MAGI1: variants seen among roughly 807,000 people sequenced by gnomAD.
MAGI1 encodes membrane associated guanylate kinase, WW and PDZ domain containing 1.
A neutral mutation model predicts 139.9 loss-of-function variants in MAGI1; 58 were observed. The ratio of observed to expected loss-of-function variants is 0.41; its 90% CI spans 0.34 to 0.52. The LOEUF (loss-of-function observed/expected upper bound fraction) is 0.52. Among genes scored for constraint, MAGI1 ranks in the 20% least tolerant of loss-of-function variants. MAGI1 has a pLI of 0.12. For missense variants in MAGI1, 1,874 were observed against 1,901.6 expected (o/e 0.99, Z 0.27); for synonymous variants, 812 against 737.9 (o/e 1.10, Z -1.63).
chr3:65,690,838 A>G (rs75973236), intron 1 of MAGI1, among the ~76,000 whole-genome samples: 25,839 of 150,454 alleles, frequency 0.17, 2,679 homozygotes, highest in Non-Finnish European at 0.24. Context: ...TTAAAAATTG[A>G]TATTTTGAAT....
chr3:65,811,980 G>A (rs1440163505), intron 1 of MAGI1, among the ~76,000 whole-genome samples: 2 of 150,506 alleles, frequency 1.3e-5, no homozygotes, highest in South Asian at 2.1e-4. Flanking sequence ...GCGTGCACTC[G>A]CAGCTATAAA....
intron 1 of MAGI1, among the ~76,000 whole-genome samples, chr3:65,881,782 A>T (rs2060339612): frequency 6.6e-6 from 1 of 152,220 alleles, no homozygotes; most frequent in African/African-American, 2.4e-5. Context: ...CCTAGTGTTC[A>T]TCCAAGCACT....
chr3:65,631,926 A>C (rs1576541397), intron 1 of MAGI1, among the ~76,000 whole-genome samples: 1 of 151,840 alleles, frequency 6.6e-6, no homozygotes, highest in Admixed American at 6.6e-5. Flanking sequence ...TTGGGAGACT[A>C]AGGCAGGAGA....
At position 65,364,883 on chromosome 3, in the gene MAGI1, G is replaced by T. The variant is rs999890769; in HGVS notation, c.3260C>A (p.Thr1087Asn). The change falls in exon 19 of 23, where the codon ACC (threonine) becomes AAC (asparagine). Residue 1087 changes from threonine to asparagine, a missense_variant. Thr to Asn is a moderately conservative substitution (Grantham distance 65). Around this residue, in one of 5 missense-constraint regions of MAGI1, gnomAD observed 653 missense variants for 644.5 expected, o/e 1.01. Coordinates refer to ENST00000402939, the MANE Select transcript of MAGI1 (RefSeq NM_001033057.2). ...EKIATITTTH[T>N]PSQQGTQETR... Reference sequence around the variant, plus strand: ...CTCCTGGGTCCCTTGCTGAGAAGGGGTGTGTGTGGTGGTGATGGTGGCAAT... The same window carrying T: ...CTCCTGGGTCCCTTGCTGAGAAGGGTTGTGTGTGGTGGTGATGGTGGCAAT... The T allele has an allele frequency of 6.2e-7, 1 of 1,614,068 alleles. No homozygotes were observed. Among genetic ancestry groups the T allele is most frequent in the Non-Finnish European group, 8.5e-7 (1 of 1,179,944 alleles).
At chr3:65,531,941 C>T (rs1217967062) in intron 2 of MAGI1, among the ~76,000 whole-genome samples, 1 of 152,156 alleles carries the variant, frequency 6.6e-6, no homozygotes, top group Non-Finnish European at 1.5e-5. Context: ...ATTATTTTCC[C>T]TTAGCCCTGC....
At chr3:65,925,759 A>C (rs752013249) in intron 1 of MAGI1, among the ~76,000 whole-genome samples, 3 of 152,130 alleles carry the variant, frequency 2.0e-5, no homozygotes, top group Non-Finnish European at 2.9e-5. Flanking sequence ...GGCTCACTGC[A>C]ATCTCCACCT....
intron 1 of MAGI1, among the ~76,000 whole-genome samples, chr3:66,019,790 C>G (rs1002368362): frequency 2.6e-5 from 4 of 152,186 alleles, no homozygotes; most frequent in African/African-American, 9.7e-5. Flanking sequence ...CCCATGGCAC[C>G]TGTCCAATTT....
At position 65,493,622 on chromosome 3, in the gene MAGI1, C is replaced by T. The variant is rs775563326; in HGVS notation, c.440G>A (p.Arg147Gln). 8 of 1,613,916 alleles carry T rather than the reference C, an allele frequency of 5.0e-6. No homozygotes were observed. The highest frequency in any genetic ancestry group is 4.2e-6 in the Non-Finnish European group (5 of 1,180,004). The stretch of plus-strand genomic sequence containing the variant: ...AGGCACTTCTCCTTCTCTGGGAGAT[C>T]GGGTTGTGCCTGTAGCAGAAAATAC... Reference protein sequence around the residue: ...LYRHAVPCTTRSPREGEVPGV... With the variant: ...LYRHAVPCTTQSPREGEVPGV... The change falls in exon 3 of 23, where the codon CGA becomes CAA. Residue 147 changes from arginine (R) to glutamine (Q), a missense_variant. This residue lies in a region of MAGI1 where 648 missense variants were observed against 598.1 expected (regional missense o/e 1.08). Coordinates refer to ENST00000402939, the MANE Select transcript of MAGI1 (RefSeq NM_001033057.2).
At chr3:66,001,331 T>C (rs2066727026) in intron 1 of MAGI1, among the ~76,000 whole-genome samples, 1 of 152,160 alleles carries the variant, frequency 6.6e-6, no homozygotes, top group Admixed American at 6.5e-5. Context: ...TCAAAAAAGA[T>C]ATATAATATC....
chr3:65,474,777 T>G (rs1182650242), intron 4 of MAGI1, among the ~76,000 whole-genome samples: 1 of 152,114 alleles, frequency 6.6e-6, no homozygotes, highest in Admixed American at 6.6e-5. Flanking sequence ...AATCATGATC[T>G]CTGAGGCTCC....
intron 12 of MAGI1, among the ~76,000 whole-genome samples, chr3:65,411,980 T>G (rs1439036057): frequency 1.3e-5 from 2 of 152,218 alleles, no homozygotes; most frequent in African/African-American, 4.8e-5. Flanking sequence ...TGGTTTATCC[T>G]CTTTATTATC....
At chr3:65,825,924 G>A (rs540336951) in intron 1 of MAGI1, among the ~76,000 whole-genome samples, 2 of 152,254 alleles carry the variant, frequency 1.3e-5, no homozygotes, top group East Asian at 3.9e-4. Flanking sequence ...GGAGGCAGAG[G>A]TTGCAGTGAG....
chr3:65,371,317 G>C (rs1016976240), intron 18 of MAGI1, among the ~76,000 whole-genome samples: 9 of 152,170 alleles, frequency 5.9e-5, no homozygotes, highest in African/African-American at 2.2e-4. Flanking sequence ...AAATTCTTTG[G>C]CTTCCCAGTG....
intron 22 of MAGI1, chr3:65,359,438 T>A: frequency 8.4e-7 from 1 of 1,183,438 alleles, no homozygotes; most frequent in Non-Finnish European, 1.1e-6. Flanking sequence ...TTTGTTTTGT[T>A]TTTTCAAACA....
chr3:65,987,760 G>A (rs898888444), intron 1 of MAGI1, among the ~76,000 whole-genome samples: 10 of 151,872 alleles, frequency 6.6e-5, no homozygotes, highest in African/African-American at 2.2e-4. Context: ...GTAGGGATGG[G>A]GTTTCCCCAC....
intron 1 of MAGI1, among the ~76,000 whole-genome samples, chr3:65,797,369 C>T (rs1295530127): frequency 6.6e-6 from 1 of 152,148 alleles, no homozygotes; most frequent in Non-Finnish European, 1.5e-5. Context: ...TTTTTAATTA[C>T]TCTGATCTAT....
chr3:65,592,660 G>C (rs1031331207), intron 2 of MAGI1, among the ~76,000 whole-genome samples: 3 of 152,146 alleles, frequency 2.0e-5, no homozygotes, highest in Non-Finnish European at 4.4e-5. Context: ...GAAAAGTTAG[G>C]AGGGAAACAA....
intron 1 of MAGI1, among the ~76,000 whole-genome samples, chr3:65,920,355 T>C (rs1443467233): frequency 6.6e-6 from 1 of 152,226 alleles, no homozygotes. Context: ...ATCTTCTTTT[T>C]AGTTTTAAGC....
chr3:65,365,069 G>T (rs1458511877), intron 18 of MAGI1, 123 bp from the exon 19 acceptor site: 3 of 825,866 alleles, frequency 3.6e-6, no homozygotes, highest in Non-Finnish European at 6.5e-6. Flanking sequence ...ATTTCAAGCA[G>T]TCTGACTTGA....
Sources: allele counts gnomAD v4.1 joint callset (sites outside exome capture counted in the v4.1 genomes callset), GRCh38; gene constraint gnomAD v4.1.1; regional missense constraint gnomAD v4.1.1; transcripts MANE v1.5; gene names NCBI Gene and HGNC (gene_info 2026-07-23, HGNC 2026-07-21).